Variants in NR2E1 observed in about 807,000 individuals in gnomAD.
NR2E1 encodes the protein nuclear receptor subfamily 2 group E member 1, also known as nuclear receptor TLX.
NR2E1 carries 5 observed loss-of-function variants against 43.6 expected under a neutral mutation model. The observed-to-expected ratio is 0.11, with a 90% CI of 0.06 to 0.24. NR2E1 has a LOEUF of 0.24. NR2E1 is among the 10% of genes least tolerant of loss of function. The probability of loss-of-function intolerance (pLI) is 1.00; values close to 1 mark genes in which losing one functional copy is unlikely to be tolerated. For synonymous variants in NR2E1, 191 were observed against 195.5 expected, an observed-to-expected ratio of 0.98 and a Z score of 0.19; for missense variants, 287 against 496.7, an observed-to-expected ratio of 0.58 and a Z score of 4.01.
chr6:108,185,982 C>T (rs1045238994), intron 8 of NR2E1, among the ~76,000 whole-genome samples: 12 of 152,108 alleles, frequency 7.9e-5, no homozygotes, highest in African/African-American at 1.7e-4. Context: ...CCACTGCCTC[C>T]GACTTGCTGA....
chr6:108,172,815 A>G (rs186795187), intron 2 of NR2E1, among the ~76,000 whole-genome samples: 202 of 152,312 alleles, frequency 1.3e-3, no homozygotes, highest in Admixed American at 3.7e-3. Flanking sequence ...CATTGAGATA[A>G]ATTTTGAGCT....
intron 7 of NR2E1, 101 bp from the exon 8 acceptor site, chr6:108,181,445 C>T (rs1295271535): frequency 4.1e-5 from 39 of 957,372 alleles, no homozygotes; most frequent in Middle Eastern, 5.5e-4. Flanking sequence ...CCGCCTGCCT[C>T]GGCCTCCCAA....
At chr6:108,175,086 A>C (rs1390259208) in intron 3 of NR2E1, among the ~76,000 whole-genome samples, 163 bp downstream of exon 3, 1 of 152,158 alleles carries the variant, frequency 6.6e-6, no homozygotes, top group Admixed American at 6.5e-5. Flanking sequence ...CCCGTCTTTC[A>C]GCAGGAGCCG....
intron 1 of NR2E1, among the ~76,000 whole-genome samples, chr6:108,167,631 C>T (rs767488767): frequency 1.3e-5 from 2 of 152,162 alleles, no homozygotes; most frequent in Non-Finnish European, 2.9e-5. Flanking sequence ...TCACGGTGCT[C>T]AGATCTCCCG....
At chr6:108,173,870 CCT>C (rs1773852576) in intron 2 of NR2E1, among the ~76,000 whole-genome samples, 1 of 152,160 alleles carries the variant, frequency 6.6e-6, no homozygotes, top group Non-Finnish European at 1.5e-5. Context: ...CTGTAGATTT[CCT>C]CTTTCAATGG....
rs1236632656 is a variant in NR2E1 at position 108,187,923 on chromosome 6, T to C, written c.*460T>C. ...GTTGGAGCATTTATTTTAAAAATAA[T>C]GGTAGGTTTTAAATTAAAAGTGTTA... is the stretch of plus-strand genomic sequence containing the variant. On this transcript the variant is annotated 3_prime_UTR_variant, in exon 9 of 9. Transcript: ENST00000368986. 1 of 185,990 alleles carries C rather than the reference T, an allele frequency of 5.4e-6. No individual in the cohort carries two copies. The highest frequency in any genetic ancestry group is 1.2e-5 in the Non-Finnish European group (1 of 86,538). The allele number at this position is 185,990 out of a possible 1,614,324, so 11.5% of individuals were successfully genotyped here.
chr6:108,168,252 G>A (rs1773745674), intron 1 of NR2E1: 10 of 1,371,820 alleles, frequency 7.3e-6, no homozygotes, highest in Non-Finnish European at 7.8e-6. Flanking sequence ...TGCATTCTGA[G>A]CCTCCGTTGC....
intron 4 of NR2E1, among the ~76,000 whole-genome samples, chr6:108,177,193 G>T (rs991506336): frequency 6.6e-6 from 1 of 152,220 alleles, no homozygotes; most frequent in South Asian, 2.1e-4. Flanking sequence ...CCAAATCTTG[G>T]CATGTATGAT....
intron 3 of NR2E1, among the ~76,000 whole-genome samples, chr6:108,175,384 G>A (rs1369120255): frequency 6.6e-6 from 1 of 152,254 alleles, no homozygotes; most frequent in African/African-American, 2.4e-5. Context: ...GCGAAAACGC[G>A]GAATTTCCAG....
rs560885505 is a variant in NR2E1, at chr6:108,169,569, A to C, written c.26-1889A>C. ...TGGAGCGGTCAGAGGGCGCGTGTTA[A>C]GCAGAGGATGGTTGTAAGATATGGA... On this transcript the variant is annotated intron_variant, in intron 1 of 8. Transcript: ENST00000368986. The surrounding 1 kb of genome is among the most constrained non-coding windows in gnomAD (Gnocchi z 6.1). Among the ~76,000 whole-genome samples, 11 of 152,290 alleles carry C rather than the reference A, an allele frequency of 7.2e-5. No individual in the cohort carries two copies. The highest frequency in any genetic ancestry group is 4.6e-4 in the Admixed American group (7 of 15,306).
chr6:108,182,790 C>T lies in NR2E1; in HGVS notation c.995+1139C>T, dbSNP rs893556851. Among the ~76,000 whole-genome samples the T allele has an allele frequency of 3.9e-5, 6 of 152,090 alleles. No homozygotes were observed. The East Asian group carries it at 1.2e-3, about 29-fold the overall frequency. On this transcript the variant is annotated intron_variant, in intron 8 of 8. Transcript: ENST00000368986. ...GCCAGGCAGGTCTCGAACTCCTGAA[C>T]TTGTGATCTGCCTGCCTTGACCTCC...
chr6:108,186,759 G>A (rs1385381958), intron 8 of NR2E1, among the ~76,000 whole-genome samples: 4 of 152,158 alleles, frequency 2.6e-5, no homozygotes, highest in Non-Finnish European at 5.9e-5. Flanking sequence ...GGGTGGCACT[G>A]CCACCCAACA....
chr6:108,178,072 GTCTT>G lies in NR2E1; in HGVS notation c.496-14_496-11del, dbSNP rs779594732. 2.5e-6 allele frequency: 4 copies of G among 1,613,834 alleles called. No individual in the cohort carries two copies. The highest frequency in any genetic ancestry group is 2.5e-6 in the Non-Finnish European group (3 of 1,179,834). On this transcript the variant is annotated intron_variant, in intron 4 of 8. Coordinates refer to ENST00000368986, the MANE Select transcript of NR2E1 (RefSeq NM_003269.5). ...AGCTGTGGTTTCCTCACTTCCAGGT[GTCTT>G]TCTTTCTTCCCTACCCAGTACCCCC...
chr6:108,183,192 G>A (rs1239104720), intron 8 of NR2E1, among the ~76,000 whole-genome samples: 4 of 152,094 alleles, frequency 2.6e-5, no homozygotes, highest in African/African-American at 9.7e-5. Context: ...CCAGCACTGG[G>A]CAAGCCCATT....
chr6:108,167,652 A>G (rs953907726), intron 1 of NR2E1, among the ~76,000 whole-genome samples: 8 of 152,290 alleles, frequency 5.3e-5, no homozygotes, highest in African/African-American at 1.9e-4. Flanking sequence ...GGGGCATTTC[A>G]GTTCCCGCCA....
intron 1 of NR2E1, 54 bp from the exon 2 acceptor site, chr6:108,171,404 C>A: frequency 1.9e-6 from 3 of 1,594,270 alleles, no homozygotes; most frequent in South Asian, 2.2e-5. Flanking sequence ...CTCTTCTCCG[C>A]CCTCCTTTCC....
At chr6:108,177,784 G>A (rs1773923591) in intron 4 of NR2E1, among the ~76,000 whole-genome samples, 1 of 151,912 alleles carries the variant, frequency 6.6e-6, no homozygotes, top group Non-Finnish European at 1.5e-5. Flanking sequence ...GTCTAAATTG[G>A]GAGCCAGGCT....
At chr6:108,185,409 T>TACAC (rs3040212) in intron 8 of NR2E1, among the ~76,000 whole-genome samples, 11,022 of 146,834 alleles carry the variant, frequency 0.075, 756 homozygotes, top group African/African-American at 0.17. Flanking sequence ...CACACACACA[T>TACAC]ACACACACAC....
rs141084690 is a variant in NR2E1, at chr6:108,172,832, C to A, written c.171+1229C>A. Among the ~76,000 whole-genome samples, 22 of 152,290 alleles carry A rather than the reference C, an allele frequency of 1.4e-4. No individual in the cohort carries two copies. In the East Asian group the frequency reaches 3.9e-3, roughly 27 times the overall value. ...TTGAGATAAATTTTGAGCTCTCTAG[C>A]CCTGTTACCTGTTTAATTGGCTACT... is the stretch of plus-strand genomic sequence containing the variant. On this transcript the variant is annotated intron_variant, in intron 2 of 8. Transcript: ENST00000368986.
Sources: gnomAD v4.1 joint callset for allele counts (sites outside exome capture counted in the v4.1 genomes callset) on GRCh38, gnomAD v4.1.1 for gene constraint, Gnocchi (gnomAD v3.1) non-coding constraint, MANE v1.5 for transcripts, NCBI Gene and HGNC (gene_info 2026-07-23, HGNC 2026-07-21) for gene names.